PRUNE2: variants seen among roughly 807,000 people sequenced by gnomAD.
The protein encoded by PRUNE2 is prune homolog 2 with BCH domain, also known as protein prune homolog 2.
Under a neutral mutation model 252.0 loss-of-function variants are expected in PRUNE2, and 164 were observed. The ratio of observed to expected loss-of-function variants is 0.65; its 90% CI spans 0.57 to 0.74. The LOEUF (loss-of-function observed/expected upper bound fraction) is 0.74, where lower values mean the gene tolerates loss of function less well. Ranked by LOEUF, PRUNE2 falls within the 30% of genes least tolerant of loss-of-function variation. The pLI, the probability that PRUNE2 is intolerant of heterozygous loss-of-function variation, is 0.00. For synonymous variants in PRUNE2, 1,292 were observed against 1,350.2 expected (o/e 0.96, Z 0.94); for missense variants, 3,495 against 3,711.0 (o/e 0.94, Z 1.51).
rs192331389 is a variant in PRUNE2 at position 76,679,294 on chromosome 9, G to A, written c.8277-23792C>T. Among the ~76,000 whole-genome samples, 11 of 152,144 alleles carry A rather than the reference G, an allele frequency of 7.2e-5. No homozygotes were observed. In the East Asian group the frequency reaches 7.7e-4, roughly 11 times the overall value. ...TTTGTTAAAAATTAAATACAATAGT[G>A]GTTTTCAAAACCAAGTGACCTGGAT... On this transcript the variant is annotated intron_variant, in intron 9 of 18. Transcript: ENST00000376718.
At chr9:76,886,553 G>A (rs1263027360) in intron 1 of PRUNE2, among the ~76,000 whole-genome samples, 1 of 152,168 alleles carries the variant, frequency 6.6e-6, no homozygotes, top group African/African-American at 2.4e-5. Context: ...AAGCCTGGAG[G>A]CCTCTCCTTT....
rs7868609 is a variant in PRUNE2 at position 76,703,950 on chromosome 9, G to T, written c.7663C>A (p.Arg2555Ser). 1.2e-3 allele frequency: 1,983 copies of T among 1,613,740 alleles called. 26 individuals are homozygous for T. In the African/African-American group the frequency reaches 0.024, roughly 20 times the overall value. Residue 2555 changes from arginine to serine, a missense_variant, in exon 9 of 19, where the codon CGT becomes AGT. Transcript: ENST00000376718. ...GGCTTTGAGTGTGAATTTTCTTCAC[G>T]GTTTACAAGTATGTAATCCATGTGT... is the stretch of plus-strand genomic sequence containing the variant. ...ALHMDYILVN[R>S]EENSHSKPET...
At chr9:76,699,182 A>G (rs1439966626) in intron 9 of PRUNE2, among the ~76,000 whole-genome samples, 2 of 152,138 alleles carry the variant, frequency 1.3e-5, no homozygotes, top group Non-Finnish European at 2.9e-5. Context: ...ATCTATGGAA[A>G]GCCAATATAT....
chr9:76,619,955 C>T (rs562674201), intron 17 of PRUNE2, among the ~76,000 whole-genome samples: 1 of 152,194 alleles, frequency 6.6e-6, no homozygotes, highest in South Asian at 2.1e-4. Context: ...CTGAGTATGC[C>T]CAGAAAACAA....
chr9:76,841,768 G>A (rs1391433849), intron 4 of PRUNE2, among the ~76,000 whole-genome samples: 1 of 152,174 alleles, frequency 6.6e-6, no homozygotes, highest in Non-Finnish European at 1.5e-5. Context: ...TCTGCACAGG[G>A]CATCTCTCAA....
chr9:76,807,130 G>A (rs1012249504), intron 6 of PRUNE2, among the ~76,000 whole-genome samples: 7 of 151,470 alleles, frequency 4.6e-5, no homozygotes, highest in African/African-American at 1.7e-4. Context: ...GGAGTGCAAT[G>A]GCATACCACA....
intron 6 of PRUNE2, among the ~76,000 whole-genome samples, chr9:76,782,515 GTTC>G (rs2054525746): frequency 6.6e-6 from 1 of 152,178 alleles, no homozygotes; most frequent in South Asian, 2.1e-4. Flanking sequence ...TCTTTACAGA[GTTC>G]TTCTAAAAAT....
intron 9 of PRUNE2, chr9:76,687,653 C>G (rs910616104): frequency 2.4e-5 from 10 of 421,988 alleles, no homozygotes; most frequent in Admixed American, 7.6e-5. Context: ...CCATTCATTC[C>G]GGTAGGAGTT....
intron 6 of PRUNE2, among the ~76,000 whole-genome samples, chr9:76,717,872 G>A (rs774961391): frequency 1.3e-5 from 2 of 152,170 alleles, no homozygotes; most frequent in Non-Finnish European, 2.9e-5. Flanking sequence ...CCGAAGGGTC[G>A]ATGACTAAAC....
intron 17 of PRUNE2, among the ~76,000 whole-genome samples, chr9:76,620,503 T>C (rs1831811038): frequency 6.6e-6 from 1 of 152,188 alleles, no homozygotes; most frequent in African/African-American, 2.4e-5. Context: ...TCTATGATCC[T>C]TTTTAAGTGC....
At chr9:76,845,503 C>T (rs560067267) in intron 4 of PRUNE2, among the ~76,000 whole-genome samples, 7 of 152,162 alleles carry the variant, frequency 4.6e-5, no homozygotes, top group Non-Finnish European at 1.0e-4. Flanking sequence ...AGCGTTTTTA[C>T]CGACATTCAT....
chr9:76,732,153 A>G (rs1399643074), intron 6 of PRUNE2, among the ~76,000 whole-genome samples: 2 of 152,052 alleles, frequency 1.3e-5, no homozygotes, highest in African/African-American at 2.4e-5. Context: ...TCTCTACTAA[A>G]AATACAAAAA....
chr9:76,854,342 GTT>G, intron 1 of PRUNE2, 134 bp from the exon 2 acceptor site: 1 of 469,702 alleles, frequency 2.1e-6, no homozygotes, highest in Middle Eastern at 5.3e-4. Context: ...TTATCATGAA[GTT>G]TTACATGAGA....
chr9:76,895,241 T>C (rs1051982687), intron 1 of PRUNE2, among the ~76,000 whole-genome samples: 4 of 152,182 alleles, frequency 2.6e-5, no homozygotes, highest in African/African-American at 9.6e-5. Context: ...TATACCTCTG[T>C]GGTCATTGCT....
rs777501217 is a variant in PRUNE2 at position 76,707,465 on chromosome 9, C to G, written c.4809G>C (p.Glu1603Asp). The G allele has an allele frequency of 6.2e-7, 1 of 1,613,856 alleles. No homozygotes were observed. The highest frequency in any genetic ancestry group is 1.1e-5 in the South Asian group (1 of 91,060). Residue 1603 changes from glutamate (E) to aspartate (D), a missense_variant, in exon 8 of 19, where the codon GAG becomes GAC. By Grantham distance (45) the Glu-to-Asp change is conservative (BLOSUM62 2). Transcript: ENST00000376718. ...VEIVTKVKDL[E>D]KNRINEFEKS... ...TTTCAAACTCATTTATTCTGTTTTTCTCTAAATCCTTCACTTTGGTAACTA... is the reference window on the plus strand; with the variant it reads ...TTTCAAACTCATTTATTCTGTTTTTGTCTAAATCCTTCACTTTGGTAACTA...
chr9:76,871,759 G>T (rs2061213970), intron 1 of PRUNE2, among the ~76,000 whole-genome samples: 1 of 152,090 alleles, frequency 6.6e-6, no homozygotes, highest in Non-Finnish European at 1.5e-5. Context: ...CTCCTGAGTA[G>T]CTGGGACTAC....
rs1406814394 is a variant in PRUNE2, at chr9:76,644,770, G to A, written c.8697C>T (p.Ile2899=). 9 of 1,613,698 alleles carry A rather than the reference G, an allele frequency of 5.6e-6. No individual in the cohort carries two copies. Among genetic ancestry groups the A allele is most frequent in the Admixed American group, 1.7e-5 (1 of 59,974 alleles). The change falls in exon 12 of 19, where the codon ATC becomes ATT. Residue 2899 remains isoleucine, a synonymous_variant. Transcript: ENST00000376718. The part of the protein sequence containing the change: ...EQEQRIDMKV[I]EPYRRVISHG... ...GAGAAATGACTCTCCTGTAGGGCTCGATGACCTTCATGTCAATGCGCTGCT... is the reference window on the plus strand; with the variant it reads ...GAGAAATGACTCTCCTGTAGGGCTCAATGACCTTCATGTCAATGCGCTGCT...
At chr9:76,795,749 T>G (rs1275746735) in intron 6 of PRUNE2, among the ~76,000 whole-genome samples, 1 of 152,248 alleles carries the variant, frequency 6.6e-6, no homozygotes, top group Non-Finnish European at 1.5e-5. Flanking sequence ...TAATGAATCA[T>G]GTAGTCCACC....
intron 6 of PRUNE2, among the ~76,000 whole-genome samples, chr9:76,775,668 T>A (rs1056135104): frequency 5.9e-5 from 9 of 152,242 alleles, no homozygotes; most frequent in Non-Finnish European, 1.2e-4. Context: ...ATGCAAGGAA[T>A]GTTATCTCTT....
Sources: gnomAD v4.1 joint callset for allele counts (sites outside exome capture counted in the v4.1 genomes callset) on GRCh38, gnomAD v4.1.1 for gene constraint, MANE v1.5 for transcripts, NCBI Gene and HGNC (gene_info 2026-07-23, HGNC 2026-07-21) for gene names.